ASCC3: variants seen among roughly 807,000 people sequenced by gnomAD.
ASCC3 encodes ASC-1 complex subunit P200.
ASCC3 carries 158 observed loss-of-function variants against 256.3 expected under a neutral mutation model. That is an observed-to-expected ratio of 0.62 (90% confidence interval 0.54 to 0.70). The LOEUF is 0.70. Among genes scored for constraint, ASCC3 ranks in the 30% least tolerant of loss-of-function variants. The pLI, the probability that ASCC3 is intolerant of heterozygous loss-of-function variation, is 0.00. For synonymous variants in ASCC3, 948 were observed against 883.4 expected (o/e 1.07, Z -1.30); for missense variants, 2,259 against 2,626.0 (o/e 0.86, Z 3.05).
intron 8 of ASCC3, among the ~76,000 whole-genome samples, chr6:100,776,855 C>T (rs1269884346): frequency 6.6e-6 from 1 of 151,852 alleles, no homozygotes; most frequent in African/African-American, 2.4e-5. Context: ...GATAATCAAA[C>T]CATAGACATT....
At chr6:100,833,439 C>A (rs571700280) in intron 4 of ASCC3, among the ~76,000 whole-genome samples, 1 of 152,244 alleles carries the variant, frequency 6.6e-6, no homozygotes, top group African/African-American at 2.4e-5. Context: ...GTGAATCCTT[C>A]TGTAATCTTA....
intron 4 of ASCC3, among the ~76,000 whole-genome samples, chr6:100,812,759 G>A (rs938430964): frequency 5.9e-5 from 9 of 151,934 alleles, no homozygotes; most frequent in Non-Finnish European, 8.8e-5. Context: ...GCAAGACTCC[G>A]TCTCTCCAAA....
In ASCC3 at chr6:100,851,140, G is replaced by C. The variant is rs191136237; in HGVS notation, c.242-2433C>G. ...TGGAAACAGAATTTGAGTAATTAGG[G>C]AAAGATCAAACAGCTATTACATCAT... On this transcript the variant is annotated intron_variant, in intron 3 of 41. Coordinates refer to ENST00000369162, the MANE Select transcript of ASCC3 (RefSeq NM_006828.4). Among the ~76,000 whole-genome samples, 1,314 of 152,142 alleles carry C rather than the reference G, an allele frequency of 8.6e-3. 15 individuals carry two copies. Among genetic ancestry groups the C allele is most frequent in the Non-Finnish European group, 0.011 (756 of 67,960 alleles).
chr6:100,636,735 A>C (rs1042519052), intron 25 of ASCC3, among the ~76,000 whole-genome samples: 1 of 152,204 alleles, frequency 6.6e-6, no homozygotes, highest in African/African-American at 2.4e-5. Flanking sequence ...TAAGAAAGTG[A>C]AAGTTTTATT....
chr6:100,517,562 G>A (rs1015624061), intron 38 of ASCC3, among the ~76,000 whole-genome samples: 2 of 152,226 alleles, frequency 1.3e-5, no homozygotes, highest in African/African-American at 2.4e-5. Flanking sequence ...TAACCACCTA[G>A]TTTGGGACAT....
chr6:100,740,425 G>T (rs978699536), intron 10 of ASCC3, among the ~76,000 whole-genome samples: 1 of 152,174 alleles, frequency 6.6e-6, no homozygotes, highest in African/African-American at 2.4e-5. Flanking sequence ...TTTGGGTGGA[G>T]AGTTCTGTAG....
At chr6:100,627,458 GACAA>G (rs1378265808) in intron 29 of ASCC3, 128 bp downstream of exon 29, 8 of 1,202,458 alleles carry the variant, frequency 6.7e-6, no homozygotes, top group South Asian at 1.3e-5. Flanking sequence ...TAACAGTTGA[GACAA>G]ACAGTTTTAG....
intron 13 of ASCC3, among the ~76,000 whole-genome samples, chr6:100,682,905 T>A (rs1361357146): frequency 4.6e-5 from 7 of 152,150 alleles, no homozygotes; most frequent in Non-Finnish European, 1.0e-4. Context: ...TTAAAATAGA[T>A]TTCTGGGTCC....
chr6:100,825,329 T>C (rs1484125273), intron 4 of ASCC3, among the ~76,000 whole-genome samples: 1 of 151,156 alleles, frequency 6.6e-6, no homozygotes, highest in Non-Finnish European at 1.5e-5. Context: ...TGTCAAGTAA[T>C]ATTCTAGGGA....
chr6:100,733,224 G>T (rs116233050), intron 10 of ASCC3, among the ~76,000 whole-genome samples: 10 of 152,038 alleles, frequency 6.6e-5, no homozygotes, highest in Non-Finnish European at 1.2e-4. Flanking sequence ...CTTTAAGAGC[G>T]GTTTCTTCTA....
intron 22 of ASCC3, among the ~76,000 whole-genome samples, chr6:100,645,943 G>T (rs1775358635): frequency 6.6e-6 from 1 of 152,074 alleles, no homozygotes; most frequent in Non-Finnish European, 1.5e-5. Context: ...CAGCAGCAAA[G>T]AAACAGGTGA....
chr6:100,879,673 A>T (rs991426006), intron 1 of ASCC3, among the ~76,000 whole-genome samples: 56 of 151,714 alleles, frequency 3.7e-4, no homozygotes, highest in Non-Finnish European at 6.6e-4. Flanking sequence ...TTATTTATTT[A>T]TTTTTTTTGA....
At chr6:100,564,667 T>G (rs539753030) in intron 36 of ASCC3, among the ~76,000 whole-genome samples, 15 of 152,338 alleles carry the variant, frequency 9.8e-5, no homozygotes, top group African/African-American at 3.6e-4. Context: ...TTAATTATCA[T>G]GGTTCCTCTT....
At chr6:100,838,543 T>C (rs1453440036) in intron 4 of ASCC3, among the ~76,000 whole-genome samples, 1 of 152,060 alleles carries the variant, frequency 6.6e-6, no homozygotes, top group Non-Finnish European at 1.5e-5. Flanking sequence ...TTAGATAAAT[T>C]ATATTTACAG....
Position 100,650,731 on chromosome 6 carries a change from A to G in ASCC3, c.3076-17T>C. Reference sequence around the variant, plus strand: ...TTCTCTGACCTAGAAGAATCAATGTATTTATTGGAATTTTGGGGCTGATTT... The same window carrying G: ...TTCTCTGACCTAGAAGAATCAATGTGTTTATTGGAATTTTGGGGCTGATTT... On this transcript the variant is annotated splice_polypyrimidine_tract_variant and intron_variant, in intron 19 of 41. Coordinates refer to ENST00000369162, the MANE Select transcript of ASCC3 (RefSeq NM_006828.4). 1 of 1,591,284 alleles carries G rather than the reference A, an allele frequency of 6.3e-7. No homozygotes were observed. Among genetic ancestry groups the G allele is most frequent in the Non-Finnish European group, 8.6e-7 (1 of 1,161,466 alleles).
intron 36 of ASCC3, among the ~76,000 whole-genome samples, chr6:100,554,512 T>C (rs1361210037): frequency 6.6e-6 from 1 of 152,200 alleles, no homozygotes; most frequent in Non-Finnish European, 1.5e-5. Context: ...AGAAGCTTTA[T>C]GCTATAACTT....
intron 13 of ASCC3, among the ~76,000 whole-genome samples, chr6:100,689,174 C>T (rs559494064): frequency 2.0e-4 from 30 of 152,296 alleles, no homozygotes; most frequent in African/African-American, 7.2e-4. Flanking sequence ...ACTCCCATCA[C>T]ACGTTGTTCA....
At chr6:100,719,969 A>G (rs1582752656) in intron 11 of ASCC3, among the ~76,000 whole-genome samples, 1 of 151,926 alleles carries the variant, frequency 6.6e-6, no homozygotes, top group Non-Finnish European at 1.5e-5. Flanking sequence ...TTAGTGCCTA[A>G]TATCATCATG....
At position 100,560,730 on chromosome 6, in the gene ASCC3, C is replaced by A. The variant is rs1226732981; in HGVS notation, c.5551-20343G>T. ...TCTTATGGCTAAAGTCATAGTCAAA[C>A]CCCAAACATCTTAGAGGAACACACA... On this transcript the variant is annotated intron_variant, in intron 36 of 41. Transcript: ENST00000369162. Among the ~76,000 whole-genome samples the A allele has an allele frequency of 2.0e-5, 3 of 147,918 alleles. No individual in the cohort carries two copies. The Admixed American group carries it at 2.1e-4, about 10-fold the overall frequency.
Sources: gnomAD v4.1 joint callset for allele counts (sites outside exome capture counted in the v4.1 genomes callset) on GRCh38, gnomAD v4.1.1 for gene constraint, MANE v1.5 for transcripts, NCBI Gene and HGNC (gene_info 2026-07-23, HGNC 2026-07-21) for gene names.